The following TTBK2 variants were observed in gnomAD, a reference collection of about 807,000 sequenced individuals.
TTBK2 encodes the protein tau-tubulin kinase 2.
TTBK2 carries 28 observed loss-of-function variants against 110.8 expected under a neutral mutation model. The observed-to-expected ratio is 0.25, with a 90% CI of 0.19 to 0.35. TTBK2 has a LOEUF of 0.35. TTBK2 is among the 10% of genes least tolerant of loss of function. The probability of loss-of-function intolerance (pLI) is 1.00; values close to 1 mark genes in which losing one functional copy is unlikely to be tolerated. For missense variants in TTBK2, 1,369 were observed against 1,500.3 expected, an observed-to-expected ratio of 0.91 and a Z score of 1.45; for synonymous variants, 532 against 527.3, an observed-to-expected ratio of 1.01 and a Z score of -0.12.
At chr15:42,905,444 T>C (rs2030332163) in intron 1 of TTBK2, among the ~76,000 whole-genome samples, 2 of 151,510 alleles carry the variant, frequency 1.3e-5, no homozygotes, top group African/African-American at 2.4e-5. Flanking sequence ...TTTTTGGAGA[T>C]ACAGGTTTTG....
chr15:42,797,240 G>A (rs781114230), intron 9 of TTBK2, among the ~76,000 whole-genome samples: 1 of 152,360 alleles, frequency 6.6e-6, no homozygotes, highest in Non-Finnish European at 1.5e-5. Flanking sequence ...TGTCTGTACT[G>A]TGCTGCAACA....
At chr15:42,845,113 G>C (rs1048967437) in intron 3 of TTBK2, among the ~76,000 whole-genome samples, 1 of 152,178 alleles carries the variant, frequency 6.6e-6, no homozygotes, top group South Asian at 2.1e-4. Flanking sequence ...ACAAGTTTTT[G>C]AGAAGAGTAT....
At chr15:42,865,426 C>T (rs550928277) in intron 3 of TTBK2, among the ~76,000 whole-genome samples, 7 of 151,616 alleles carry the variant, frequency 4.6e-5, no homozygotes, top group Admixed American at 3.3e-4. Flanking sequence ...GTCACTGGCA[C>T]TCCAGCCTGG....
intron 9 of TTBK2, among the ~76,000 whole-genome samples, chr15:42,808,859 T>G (rs1159317134): frequency 6.6e-6 from 1 of 152,114 alleles, no homozygotes; most frequent in Non-Finnish European, 1.5e-5. Context: ...TCAAAAAATT[T>G]TTTTAAATGA....
At chr15:42,899,438 A>G (rs1163091760) in intron 1 of TTBK2, among the ~76,000 whole-genome samples, 1 of 149,768 alleles carries the variant, frequency 6.7e-6, no homozygotes, top group Non-Finnish European at 1.5e-5. Flanking sequence ...TCAACTAAAA[A>G]TACAAAAATT....
chr15:42,886,053 C>T (rs1895231799), intron 1 of TTBK2, among the ~76,000 whole-genome samples: 1 of 152,062 alleles, frequency 6.6e-6, no homozygotes, highest in African/African-American at 2.4e-5. Context: ...TTGGTCCCTC[C>T]CTAGTATTTG....
At chr15:42,853,204 T>C (rs1478900596) in intron 3 of TTBK2, among the ~76,000 whole-genome samples, 1 of 151,976 alleles carries the variant, frequency 6.6e-6, no homozygotes, top group Non-Finnish European at 1.5e-5. Flanking sequence ...TAACCAACTC[T>C]CAGCTTGTGC....
chr15:42,816,411 A>G (rs1401480892), intron 7 of TTBK2, among the ~76,000 whole-genome samples: 1 of 151,806 alleles, frequency 6.6e-6, no homozygotes, highest in Admixed American at 6.6e-5. Flanking sequence ...CTTATATCTA[A>G]TTAAGGACAC....
chr15:42,748,996 A>G (rs1179714608), intron 14 of TTBK2, among the ~76,000 whole-genome samples: 1 of 152,202 alleles, frequency 6.6e-6, no homozygotes, highest in African/African-American at 2.4e-5. Context: ...CTAGCATTTG[A>G]CATCATAATG....
At chr15:42,828,543 G>A (rs1007094699) in intron 5 of TTBK2, among the ~76,000 whole-genome samples, 7 of 149,498 alleles carry the variant, frequency 4.7e-5, no homozygotes, top group African/African-American at 1.5e-4. Context: ...GTGAAACCCC[G>A]TTTCTACTAA....
chr15:42,846,227 T>C (rs1285647350), intron 3 of TTBK2, among the ~76,000 whole-genome samples: 1 of 151,660 alleles, frequency 6.6e-6, no homozygotes, highest in African/African-American at 2.4e-5. Context: ...GTCTGCTCTG[T>C]CACCCAGGCT....
chr15:42,818,533 CACGGTGAAACCCCATCTCT>C (rs1223079588), intron 6 of TTBK2, among the ~76,000 whole-genome samples: 2 of 152,034 alleles, frequency 1.3e-5, no homozygotes, highest in Admixed American at 6.5e-5. Flanking sequence ...TCCTGGCTAA[CACGGTGAAACCCCATCTCT>C]ACTAAAAATA....
chr15:42,883,553 T>C (rs1306539452), intron 1 of TTBK2, among the ~76,000 whole-genome samples: 1 of 151,838 alleles, frequency 6.6e-6, no homozygotes, highest in Non-Finnish European at 1.5e-5. Context: ...AGATATATCG[T>C]AAGCCCTATA....
chr15:42,857,503 G>T (rs976260616), intron 3 of TTBK2: 4 of 151,174 alleles, frequency 2.6e-5, no homozygotes, highest in Admixed American at 2.6e-4. Context: ...CTAAGCAACA[G>T]AATGAGAACC....
At chr15:42,800,761 GA>G (rs541636688) in intron 9 of TTBK2, among the ~76,000 whole-genome samples, 361 of 136,022 alleles carry the variant, frequency 2.7e-3, no homozygotes, top group Middle Eastern at 7.8e-3. Flanking sequence ...TTTATTTTGG[GA>G]AAAAAAAAAA....
intron 1 of TTBK2, among the ~76,000 whole-genome samples, chr15:42,915,470 C>T (rs1262719072): frequency 1.3e-5 from 2 of 152,192 alleles, no homozygotes; most frequent in Non-Finnish European, 2.9e-5. Context: ...CCTTACTATG[C>T]TTAATTTATA....
At chr15:42,881,416 A>C (rs1343227017) in intron 1 of TTBK2, among the ~76,000 whole-genome samples, 1 of 152,014 alleles carries the variant, frequency 6.6e-6, no homozygotes, top group Non-Finnish European at 1.5e-5. Flanking sequence ...AGAACCAAGA[A>C]TATCTCAATT....
intron 5 of TTBK2, among the ~76,000 whole-genome samples, chr15:42,828,704 C>A (rs1264115717): frequency 2.9e-5 from 4 of 138,892 alleles, no homozygotes; most frequent in Admixed American, 7.8e-5. Context: ...GCCTGGGTGA[C>A]AGAGTGAGAC....
chr15:42,808,537 C>T (rs372623919), intron 9 of TTBK2, among the ~76,000 whole-genome samples: 93 of 151,742 alleles, frequency 6.1e-4, no homozygotes, highest in African/African-American at 2.2e-3. Flanking sequence ...ATTGGTTGTC[C>T]CATGAGAAAC....
Sources: gnomAD v4.1 joint callset for allele counts (sites outside exome capture counted in the v4.1 genomes callset) on GRCh38, gnomAD v4.1.1 for gene constraint, MANE v1.5 for transcripts, NCBI Gene and HGNC (gene_info 2026-07-23, HGNC 2026-07-21) for gene names.